The following PAX5 variants were observed in gnomAD, a reference collection of about 807,000 sequenced individuals.
PAX5 encodes paired box 5.
A neutral mutation model predicts 43.7 loss-of-function variants in PAX5; 9 were observed. The ratio of observed to expected loss-of-function variants is 0.21; its 90% CI spans 0.12 to 0.36. The LOEUF is 0.36. Among genes scored for constraint, PAX5 ranks in the 10% least tolerant of loss-of-function variants. The pLI is 1.00. For missense variants in PAX5, 383 were observed against 532.7 expected, an observed-to-expected ratio of 0.72 and a Z score of 2.77; for synonymous variants, 228 against 214.3, an observed-to-expected ratio of 1.06 and a Z score of -0.56.
chr9:36,866,127 C>T (rs1169259390), intron 8 of PAX5, among the ~76,000 whole-genome samples: 1 of 152,194 alleles, frequency 6.6e-6, no homozygotes, highest in East Asian at 1.9e-4. Flanking sequence ...AGGAAACCAG[C>T]GGCTAGGAAG....
chr9:36,874,132 T>G (rs1468854430), intron 8 of PAX5, among the ~76,000 whole-genome samples: 1 of 152,120 alleles, frequency 6.6e-6, no homozygotes, highest in Non-Finnish European at 1.5e-5. Context: ...CTCAATACCC[T>G]TCCTATCTCA....
At chr9:36,982,629 G>T (rs948469698) in intron 5 of PAX5, among the ~76,000 whole-genome samples, 13 of 152,194 alleles carry the variant, frequency 8.5e-5, no homozygotes, top group Non-Finnish European at 1.5e-4. Flanking sequence ...GGATTTGGGG[G>T]CATGAAGGAA....
intron 5 of PAX5, among the ~76,000 whole-genome samples, chr9:36,978,949 T>C (rs572579371): frequency 1.3e-5 from 2 of 152,286 alleles, no homozygotes; most frequent in South Asian, 4.1e-4. Context: ...CCTCTATTGA[T>C]TGACCAATTT....
At chr9:36,973,787 C>T (rs1252260427) in intron 5 of PAX5, among the ~76,000 whole-genome samples, 1 of 152,136 alleles carries the variant, frequency 6.6e-6, no homozygotes, top group African/African-American at 2.4e-5. Context: ...AGGCGGATCA[C>T]CTGAGGTCAG....
Position 36,924,082 on chromosome 9 carries a change from T to C in PAX5, c.781-598A>G, listed in dbSNP as rs16933740. Among the ~76,000 whole-genome samples, 578 of 152,232 alleles carry C rather than the reference T, an allele frequency of 3.8e-3. 3 individuals carry two copies. The highest frequency in any genetic ancestry group is 0.012 in the African/African-American group (509 of 41,526). ...ACCATGAATTCCCACCCTAATCCAA[T>C]ATGGCAAACTAACTGAGCCACCATT... On this transcript the variant is annotated intron_variant, in intron 6 of 9. Transcript: ENST00000358127.
chr9:37,020,532 C>T (rs1166573589), intron 2 of PAX5, 104 bp downstream of exon 2: 1 of 1,206,154 alleles, frequency 8.3e-7, no homozygotes, highest in African/African-American at 1.5e-5. Context: ...AAACAAAATG[C>T]CACCATGATT....
intron 5 of PAX5, among the ~76,000 whole-genome samples, chr9:36,969,366 C>G (rs1279215480): frequency 6.6e-6 from 1 of 152,150 alleles, no homozygotes; most frequent in East Asian, 1.9e-4. Context: ...TCCCTCTCCC[C>G]CGGGACTCAT....
chr9:36,901,185 G>A (rs1015559470), intron 7 of PAX5, among the ~76,000 whole-genome samples: 3 of 152,100 alleles, frequency 2.0e-5, no homozygotes, highest in African/African-American at 7.2e-5. Flanking sequence ...CCCAGCACCT[G>A]CAAGGTCTGC....
intron 1 of PAX5, among the ~76,000 whole-genome samples, chr9:37,030,884 G>A (rs1467479910): frequency 6.6e-6 from 1 of 152,222 alleles, no homozygotes; most frequent in South Asian, 2.1e-4. Flanking sequence ...GACAAAGTGA[G>A]GCCCAATAGG....
intron 7 of PAX5, among the ~76,000 whole-genome samples, chr9:36,918,352 T>C (rs539730197): frequency 1.3e-5 from 2 of 152,182 alleles, no homozygotes; most frequent in South Asian, 4.2e-4. Context: ...TGGAGAAAGT[T>C]TGAGGGGTCT....
chr9:36,964,466 C>G (rs1307021772), intron 6 of PAX5, among the ~76,000 whole-genome samples: 1 of 151,692 alleles, frequency 6.6e-6, no homozygotes, highest in Non-Finnish European at 1.5e-5. Flanking sequence ...GTGGCAGGCA[C>G]CTGTAATCCC....
chr9:36,924,159 C>T lies in PAX5; in HGVS notation c.781-675G>A, dbSNP rs548191775. Among the ~76,000 whole-genome samples the T allele has an allele frequency of 1.4e-4, 21 of 152,318 alleles. No homozygotes were observed. In the South Asian group the frequency reaches 3.9e-3, roughly 29 times the overall value. On this transcript the variant is annotated intron_variant, in intron 6 of 9. Coordinates refer to ENST00000358127, the MANE Select transcript of PAX5 (RefSeq NM_016734.3). The stretch of plus-strand genomic sequence containing the variant: ...CAGGTAAACACCTGTATGCTGAAAA[C>T]CACAGGGTGCACATATCTAATTTAC...
intron 6 of PAX5, among the ~76,000 whole-genome samples, chr9:36,952,938 C>T (rs1000144419): frequency 8.5e-5 from 13 of 152,208 alleles, no homozygotes; most frequent in African/African-American, 2.9e-4. Flanking sequence ...CTCCAACTCC[C>T]TTCTTTCCCT....
intron 4 of PAX5, among the ~76,000 whole-genome samples, chr9:37,005,285 T>C (rs117616954): frequency 4.6e-5 from 7 of 152,360 alleles, no homozygotes; most frequent in Non-Finnish European, 1.0e-4. Context: ...CCCCTTTACC[T>C]TGAGAATGGG....
intron 6 of PAX5, among the ~76,000 whole-genome samples, chr9:36,965,963 G>A (rs956163632): frequency 2.0e-5 from 3 of 152,182 alleles, no homozygotes; most frequent in Admixed American, 1.3e-4. Flanking sequence ...GCAGACAGCC[G>A]GTCAGCCAGG....
chr9:36,982,333 C>T (rs1239331756), intron 5 of PAX5, among the ~76,000 whole-genome samples: 1 of 151,978 alleles, frequency 6.6e-6, no homozygotes, highest in Admixed American at 6.6e-5. Context: ...AAGAGGGGTA[C>T]CTGGCTAAGG....
chr9:36,978,886 T>C (rs1835675249), intron 5 of PAX5, among the ~76,000 whole-genome samples: 1 of 152,148 alleles, frequency 6.6e-6, no homozygotes, highest in Admixed American at 6.5e-5. Flanking sequence ...ACTACCAAGA[T>C]TATATTCCCC....
At chr9:36,851,229 G>A (rs1378090445) in intron 8 of PAX5, among the ~76,000 whole-genome samples, 2 of 152,158 alleles carry the variant, frequency 1.3e-5, no homozygotes, top group Admixed American at 6.5e-5. Context: ...GGGATGTTGG[G>A]TGGAGATGGA....
rs190796937 is a variant in PAX5 at position 36,953,966 on chromosome 9, G to C, written c.780+12583C>G. 1.1e-4 allele frequency among the ~76,000 whole-genome samples: 16 copies of C among 152,224 alleles called. No homozygotes were observed. The East Asian group carries it at 2.9e-3, about 28-fold the overall frequency. The stretch of plus-strand genomic sequence containing the variant: ...TGCTGCCTGTAGTCCCAGCTACTTG[G>C]GGGGCTGAGAGGGGAGAATCACTTG... On this transcript the variant is annotated intron_variant, in intron 6 of 9. Transcript: ENST00000358127.
Sources: allele counts gnomAD v4.1 joint callset (sites outside exome capture counted in the v4.1 genomes callset), GRCh38; gene constraint gnomAD v4.1.1; transcripts MANE v1.5; gene names NCBI Gene and HGNC (gene_info 2026-07-23, HGNC 2026-07-21).